KDM5C: variants seen among roughly 807,000 people sequenced by gnomAD.
KDM5C encodes lysine-specific demethylase 5C.
A neutral mutation model predicts 110.6 loss-of-function variants in KDM5C; 16 were observed. The observed-to-expected ratio is 0.14, with a 90% CI of 0.10 to 0.22. The LOEUF (loss-of-function observed/expected upper bound fraction) is 0.22, where lower values mean the gene tolerates loss of function less well. KDM5C is among the 10% of genes least tolerant of loss of function. The pLI is 1.00. For synonymous variants in KDM5C, 511 were observed against 520.4 expected, an observed-to-expected ratio of 0.98 and a Z score of 0.24; for missense variants, 681 against 1,300.9, an observed-to-expected ratio of 0.52 and a Z score of 7.33.
chrX:53,196,983 G>T lies in KDM5C; in HGVS notation c.2684C>A (p.Pro895His). 1 of 1,193,527 alleles carries T rather than the reference G, an allele frequency of 8.4e-7. No individual in the cohort carries two copies. Among genetic ancestry groups the T allele is most frequent in the Non-Finnish European group, 1.1e-6 (1 of 886,435 alleles). ...GGACTGCAGTAGCCCTGGACTGGAGGGCAGTGAGGCCAGGGCCTCACGAGC... is the reference window on the plus strand; with the variant it reads ...GGACTGCAGTAGCCCTGGACTGGAGTGCAGTGAGGCCAGGGCCTCACGAGC... ...AEAREALASL[P>H]SSPGLLQSLL... The change falls in exon 19 of 26, where the codon CCC becomes CAC. Residue 895 changes from proline (P) to histidine (H), a missense_variant. By Grantham distance (77) the Pro-to-His change is moderately conservative. Around this residue, in one of 14 missense-constraint regions of KDM5C, gnomAD observed 123 missense variants for 169.0 expected, o/e 0.73. Coordinates refer to ENST00000375401, the MANE Select transcript of KDM5C (RefSeq NM_004187.5).
chrX:53,197,108 G>T, intron 18 of KDM5C, 64 bp from the exon 19 acceptor site: 1 of 883,443 alleles, frequency 1.1e-6, no homozygotes, highest in Non-Finnish European at 1.6e-6. Flanking sequence ...TCCACCACCA[G>T]ATGGAACCTT....
chrX:53,194,462 C>G lies in KDM5C; in HGVS notation c.3715G>C (p.Asp1239His). Reference sequence around the variant, plus strand: ...CACAGTGGACACAGGAATTTGGTGTCCCATTCCCACCAGGCCAGCAGTGGG... The same window carrying G: ...CACAGTGGACACAGGAATTTGGTGTGCCATTCCCACCAGGCCAGCAGTGGG... Reference protein sequence around the residue: ...SSPLLAWWEWDTKFLCPLCMR... With the variant: ...SSPLLAWWEWHTKFLCPLCMR... The change falls in exon 23 of 26, where the codon GAC becomes CAC. Residue 1239 changes from aspartate (D) to histidine (H), a missense_variant. Asp to His is a moderately conservative substitution (Grantham distance 81, BLOSUM62 -1). This residue lies in a region of KDM5C where 48 missense variants were observed against 59.7 expected (regional missense o/e 0.80). Transcript: ENST00000375401. 8.3e-7 allele frequency: 1 copy of G among 1,210,494 alleles called. No homozygotes were observed. Among genetic ancestry groups the G allele is most frequent in the Non-Finnish European group, 1.1e-6 (1 of 894,720 alleles).
chrX:53,221,952 C>T (rs2073907885), intron 1 of KDM5C: 3 of 245,713 alleles, frequency 1.2e-5, no homozygotes, highest in Non-Finnish European at 2.4e-5. Flanking sequence ...ACCTCCTATG[C>T]AGACCTCTCC....
chrX:53,188,082 C>T, downstream of KDM5C, among the ~76,000 whole-genome samples: 1 of 111,673 alleles, frequency 9.0e-6, no homozygotes, highest in African/African-American at 3.3e-5. Context: ...TCTCACAAAT[C>T]TAAAGATGGA....
chrX:53,218,465 C>T, intron 2 of KDM5C, 67 bp from the exon 3 acceptor site: 1 of 1,138,378 alleles, frequency 8.8e-7, no homozygotes, highest in Non-Finnish European at 1.2e-6. Context: ...TGGGTCCAGT[C>T]TTAGGGGAGA....
chrX:53,218,762 A>C (rs1556853392), intron 2 of KDM5C: 3 of 291,431 alleles, frequency 1.0e-5, no homozygotes, highest in Non-Finnish European at 2.0e-5. Flanking sequence ...TTTTGTAGCA[A>C]TGAAGTTTCA....
intron 2 of KDM5C, 79 bp from the exon 3 acceptor site, chrX:53,218,477 C>G (rs898321141): frequency 3.6e-5 from 38 of 1,056,350 alleles, no homozygotes; most frequent in Middle Eastern, 3.4e-4. Context: ...TAGGGGAGAA[C>G]AGAGGAATAC....
chrX:53,221,704 C>T, intron 1 of KDM5C: 1 of 974,919 alleles, frequency 1.0e-6, no homozygotes, highest in Non-Finnish European at 1.3e-6. Flanking sequence ...TGGAAGGCTT[C>T]CTGTAGATCC....
chrX:53,214,574 CCA>C, intron 8 of KDM5C, 113 bp downstream of exon 8: 3 of 866,499 alleles, frequency 3.5e-6, no homozygotes, highest in Admixed American at 5.6e-5. Context: ...CCTAATCCCA[CCA>C]CAGAGACCCA....
At chrX:53,197,907 C>A (rs1556838865) in intron 17 of KDM5C, 31 bp from the exon 18 acceptor site, 1 of 1,041,212 alleles carries the variant, frequency 9.6e-7, no homozygotes, top group East Asian at 3.3e-5. Context: ...GGTTTCAGGT[C>A]CAAACTCAGT....
At chrX:53,205,194 GC>G (rs1269865669) in intron 12 of KDM5C, among the ~76,000 whole-genome samples, 1 of 111,919 alleles carries the variant, frequency 8.9e-6, no homozygotes, top group African/African-American at 3.3e-5. Flanking sequence ...TAGGTACAGT[GC>G]CGGTAAGGGA....
chrX:53,210,124 C>T (rs1478867743), intron 12 of KDM5C, among the ~76,000 whole-genome samples: 1 of 112,431 alleles, frequency 8.9e-6, no homozygotes, highest in Non-Finnish European at 1.9e-5. Flanking sequence ...TTGTCTAGCC[C>T]TGCACTTCCC....
Position 53,198,504 on chromosome X carries a change from G to A in KDM5C, c.2502C>T (p.Ser834=), listed in dbSNP as rs1225989550. The A allele has an allele frequency of 2.5e-5, 30 of 1,204,182 alleles. No individual in the cohort carries two copies. The highest frequency in any genetic ancestry group is 3.4e-5 in the Non-Finnish European group (30 of 891,486). The part of the protein sequence containing the change: ...ACVSRALGLV[S]GQEAGPHRVA... ...CGCTGTCATACCCAGCTTCCTGGCC[G>A]CTGACCAGTCCCAGAGCTCGGGACA... The change falls in exon 17 of 26, where the codon AGC becomes AGT. Residue 834 remains serine (S), a synonymous_variant. Coordinates refer to ENST00000375401, the MANE Select transcript of KDM5C (RefSeq NM_004187.5).
chrX:53,176,820 G>A (rs1933897127), intron 25 of KDM5C, among the ~76,000 whole-genome samples: 1 of 112,216 alleles, frequency 8.9e-6, no homozygotes, highest in South Asian at 3.7e-4. Context: ...ACTCTATGAT[G>A]TTAATAAAAA....
At chrX:53,199,564 C>T (rs1556840533) in intron 14 of KDM5C, among the ~76,000 whole-genome samples, 1 of 111,671 alleles carries the variant, frequency 9.0e-6, no homozygotes, top group Non-Finnish European at 1.9e-5. Flanking sequence ...TTACTCAGAG[C>T]CCACTGTGTT....
chrX:53,181,937 C>G (rs1233556325), intron 25 of KDM5C, among the ~76,000 whole-genome samples: 1 of 109,085 alleles, frequency 9.2e-6, no homozygotes, highest in East Asian at 2.9e-4. Context: ...TACAGGCGCC[C>G]ACCACCACAC....
chrX:53,197,751 A>G lies in KDM5C; in HGVS notation c.2622+20T>C. ...CCCCTGGTCCCCTTGATCCCTCATCAGCACTCCAAGCGTCCTCACCTTGAC... is the reference window on the plus strand; with the variant it reads ...CCCCTGGTCCCCTTGATCCCTCATCGGCACTCCAAGCGTCCTCACCTTGAC... On this transcript the variant is annotated intron_variant, in intron 18 of 25. Transcript: ENST00000375401. The G allele has an allele frequency of 8.7e-7, 1 of 1,154,299 alleles. No individual in the cohort carries two copies. Among genetic ancestry groups the G allele is most frequent in the East Asian group, 3.1e-5 (1 of 32,642 alleles).
chrX:53,221,876 T>C lies in KDM5C; in HGVS notation c.151-960A>G, dbSNP rs1003961114. ...GTGGGAGACACTCTGCTCTGCCAAG[T>C]TGGAGCTTGCTGTGTCCTGCCCAAA... On this transcript the variant is annotated intron_variant, in intron 1 of 25. Transcript: ENST00000375401. 1.1e-5 allele frequency: 5 copies of C among 445,696 alleles called. No homozygotes were observed. In the South Asian group the frequency reaches 1.4e-4, roughly 13 times the overall value. The allele number at this position is 445,696 out of a possible 1,213,427, so 36.7% of individuals were successfully genotyped here.
intron 25 of KDM5C, among the ~76,000 whole-genome samples, chrX:53,186,090 C>A (rs1193770473): frequency 8.9e-6 from 1 of 112,078 alleles, no homozygotes; most frequent in Non-Finnish European, 1.9e-5. Flanking sequence ...CAGATTGCCA[C>A]TGCAGCCCAT....
Sources: gnomAD v4.1 joint callset for allele counts (sites outside exome capture counted in the v4.1 genomes callset) on GRCh38, gnomAD v4.1.1 for gene constraint, gnomAD v4.1.1 regional missense constraint, MANE v1.5 for transcripts, NCBI Gene and HGNC (gene_info 2026-07-23, HGNC 2026-07-21) for gene names.